Variants in KCNV2 observed in about 807,000 individuals in gnomAD.
KCNV2 encodes potassium voltage-gated channel modifier subfamily V member 2, also known as potassium voltage-gated channel subfamily V member 2.
A neutral mutation model predicts 37.0 loss-of-function variants in KCNV2; 65 were observed. The observed-to-expected ratio is 1.76, with a 90% CI of 1.44 to 2.16. KCNV2 has a LOEUF of 2.16. KCNV2 is among the 30% of genes most tolerant of loss of function. The pLI is 0.00. For missense variants in KCNV2, 1,232 were observed against 766.7 expected (o/e 1.61, Z -7.17); for synonymous variants, 518 against 328.6 (o/e 1.58, Z -6.23).
At chr9:2,727,994 G>A (rs554782072) in intron 1 of KCNV2, among the ~76,000 whole-genome samples, 5 of 152,236 alleles carry the variant, frequency 3.3e-5, no homozygotes, top group Admixed American at 3.3e-4. Flanking sequence ...TCTCACAAGA[G>A]ACAGGGCAGT....
chr9:2,723,018 G>C (rs1819907623), intron 1 of KCNV2, among the ~76,000 whole-genome samples: 1 of 152,114 alleles, frequency 6.6e-6, no homozygotes, highest in South Asian at 2.1e-4. Context: ...CAAAGGGCAG[G>C]GCAGGTTAGC....
intron 1 of KCNV2, among the ~76,000 whole-genome samples, chr9:2,725,651 T>C (rs928319436): frequency 2.6e-5 from 4 of 152,144 alleles, no homozygotes; most frequent in Admixed American, 1.3e-4. Context: ...ATAATAATTT[T>C]ATCCAAAAAA....
intron 1 of KCNV2, among the ~76,000 whole-genome samples, chr9:2,727,661 CCTCTT>C (rs1819990778): frequency 6.6e-6 from 1 of 151,984 alleles, no homozygotes; most frequent in African/African-American, 2.4e-5. Flanking sequence ...TTGGTCTTTG[CCTCTT>C]CTCAGTGGAG....
At position 2,721,587 on chromosome 9, in the gene KCNV2, A is replaced by T. The variant is rs527473169; in HGVS notation, c.1356+2492A>T. 3.3e-5 allele frequency among the ~76,000 whole-genome samples: 5 copies of T among 152,334 alleles called. No individual in the cohort carries two copies. In the South Asian group the frequency reaches 1.0e-3, roughly 32 times the overall value. On this transcript the variant is annotated intron_variant, in intron 1 of 1. Transcript: ENST00000382082. Reference sequence around the variant, plus strand: ...CCACAAAAATTCACCTTATTCATTCATTGAACAGTAAGTTTTTGAGCACCT... The same window carrying T: ...CCACAAAAATTCACCTTATTCATTCTTTGAACAGTAAGTTTTTGAGCACCT...
At chr9:2,722,213 ATT>A (rs1226525755) in intron 1 of KCNV2, among the ~76,000 whole-genome samples, 7 of 144,540 alleles carry the variant, frequency 4.8e-5, no homozygotes, top group Non-Finnish European at 7.6e-5. Context: ...TTATAAATAA[ATT>A]AGAAGTTATT....
rs986350598 is a variant in KCNV2, at chr9:2,718,728, T to TCG, written c.995_996dup (p.Ser333AlafsTer122). 5.0e-6 allele frequency: 8 copies of TCG among 1,612,606 alleles called. No homozygotes were observed. The highest frequency in any genetic ancestry group is 1.1e-5 in the South Asian group (1 of 91,070). ...GCCTCCACGCCCGACCTGAGGCGCT[T>TCG]CGCGCGCAGCGCCCTCAACCTGGTG... is the stretch of plus-strand genomic sequence containing the variant. On this transcript the variant is annotated frameshift_variant, in exon 1 of 2. Coordinates refer to ENST00000382082, the MANE Select transcript of KCNV2 (RefSeq NM_133497.4). LOFTEE classifies it high-confidence loss of function.
At position 2,717,544 on chromosome 9, in the gene KCNV2, C is replaced by A; in HGVS notation, c.-196C>A. The A allele has an allele frequency of 1.6e-6, 1 of 631,786 alleles. No homozygotes were observed. The highest frequency in any genetic ancestry group is 1.9e-5 in the South Asian group (1 of 52,778). The allele number at this position is 631,786 out of a possible 1,614,324, so 39.1% of individuals were successfully genotyped here. On this transcript the variant is annotated 5_prime_UTR_variant, in exon 1 of 2. Coordinates refer to ENST00000382082, the MANE Select transcript of KCNV2 (RefSeq NM_133497.4). ...AACAGCTGACTGCGTTCAGACCCTGCAGGCTGGGCTGGCCTGCCCAGGACC... is the reference window on the plus strand; with the variant it reads ...AACAGCTGACTGCGTTCAGACCCTGAAGGCTGGGCTGGCCTGCCCAGGACC...
In KCNV2 at chr9:2,722,554, TAAATAAA is replaced by T. The variant is rs1461817831; in HGVS notation, c.1356+3460_1356+3466del. The stretch of plus-strand genomic sequence containing the variant: ...TTATAAATAAATTAGAAGTTATTTA[TAAATAAA>T]TTAGAAGTTATTTATTTATAAATTA... On this transcript the variant is annotated intron_variant, in intron 1 of 1. Transcript: ENST00000382082. 3.4e-5 allele frequency among the ~76,000 whole-genome samples: 5 copies of T among 145,336 alleles called. 1 individual carries two copies. Among genetic ancestry groups the T allele is most frequent in the African/African-American group, 1.3e-4 (5 of 38,444 alleles).
chr9:2,719,249 A>G (rs142481288), intron 1 of KCNV2, among the ~76,000 whole-genome samples, 154 bp downstream of exon 1: 1 of 152,230 alleles, frequency 6.6e-6, no homozygotes, highest in East Asian at 1.9e-4. Context: ...ACGGCGATGG[A>G]TGTCAAAAGT....
At position 2,729,706 on chromosome 9, in the gene KCNV2, C is replaced by T; in HGVS notation, c.1617C>T (p.Leu539=). 1 of 1,614,064 alleles carries T rather than the reference C, an allele frequency of 6.2e-7. No homozygotes were observed. The highest frequency in any genetic ancestry group is 8.5e-7 in the Non-Finnish European group (1 of 1,179,986). Residue 539 remains leucine, a synonymous_variant, in exon 2 of 2, where the codon CTC becomes CTT. Transcript: ENST00000382082. ...AECLLGSNPQ[L]TPRQEN ...GTTTGCTTGGAAGCAACCCACAGCTCACCCCAAGACAAGAGAATTAGTATT... is the reference window on the plus strand; with the variant it reads ...GTTTGCTTGGAAGCAACCCACAGCTTACCCCAAGACAAGAGAATTAGTATT...
rs753603983 is a variant in KCNV2, at chr9:2,729,757, C to G, written c.*30C>G. 21 of 1,607,904 alleles carry G rather than the reference C, an allele frequency of 1.3e-5. No individual in the cohort carries two copies. Among genetic ancestry groups the G allele is most frequent in the Middle Eastern group, 3.3e-4 (2 of 6,070 alleles). On this transcript the variant is annotated 3_prime_UTR_variant, in exon 2 of 2. Coordinates refer to ENST00000382082, the MANE Select transcript of KCNV2 (RefSeq NM_133497.4). ...TTATAGGACATGTGGCTGGTAGATT[C>G]CATGAACTTCAAGGCTTCATTGCTC...
chr9:2,719,224 C>T, intron 1 of KCNV2, 129 bp downstream of exon 1: 1 of 1,011,458 alleles, frequency 9.9e-7, no homozygotes, highest in Non-Finnish European at 1.5e-6. Context: ...CCAATCGCCG[C>T]ATACAGCTAA....
In KCNV2 at chr9:2,718,619, G is replaced by C. The variant is rs1490064746; in HGVS notation, c.880G>C (p.Gly294Arg). Residue 294 changes from glycine to arginine, a missense_variant, in exon 1 of 2, where the codon GGC becomes CGC. Physicochemically the swap from Gly to Arg is moderately radical, Grantham distance 125. Coordinates refer to ENST00000382082, the MANE Select transcript of KCNV2 (RefSeq NM_133497.4). ...EMQQHSGQGE[G>R]GPDLRPILEH... is the part of the protein sequence containing the mutation. ...GCAGCAGCACTCGGGGCAGGGCGAGGGCGGCCCAGACCTGCGGCCCATCCT... is the reference window on the plus strand; with the variant it reads ...GCAGCAGCACTCGGGGCAGGGCGAGCGCGGCCCAGACCTGCGGCCCATCCT... 3.7e-6 allele frequency: 6 copies of C among 1,612,986 alleles called. No individual in the cohort carries two copies. The highest frequency in any genetic ancestry group is 2.7e-5 in the African/African-American group (2 of 74,932).
chr9:2,719,232 T>C, intron 1 of KCNV2, 137 bp downstream of exon 1: 2 of 920,344 alleles, frequency 2.2e-6, no homozygotes, highest in Admixed American at 2.1e-5. Flanking sequence ...CGCATACAGC[T>C]AACAAAACGG....
At chr9:2,729,385 C>A (rs1193648041) in intron 1 of KCNV2, 61 bp from the exon 2 acceptor site, 1 of 1,591,666 alleles carries the variant, frequency 6.3e-7, no homozygotes, top group Non-Finnish European at 8.6e-7. Context: ...TGCTCCTCTC[C>A]CTTTCTTCTC....
At chr9:2,727,309 G>A (rs905000564) in intron 1 of KCNV2, among the ~76,000 whole-genome samples, 2 of 151,818 alleles carry the variant, frequency 1.3e-5, no homozygotes, top group African/African-American at 4.8e-5. Flanking sequence ...GGGAGGGGTA[G>A]CATTTGGAGA....
chr9:2,721,933 G>C (rs933001563), intron 1 of KCNV2, among the ~76,000 whole-genome samples: 3 of 151,828 alleles, frequency 2.0e-5, no homozygotes, highest in Non-Finnish European at 4.4e-5. Flanking sequence ...AAAAGTAACT[G>C]ATCTAGTGGT....
At chr9:2,723,685 T>G (rs1352975127) in intron 1 of KCNV2, among the ~76,000 whole-genome samples, 2 of 152,256 alleles carry the variant, frequency 1.3e-5, no homozygotes, top group Non-Finnish European at 2.9e-5. Flanking sequence ...CCTTTGCTTC[T>G]ACATTCATTT....
intron 1 of KCNV2, among the ~76,000 whole-genome samples, chr9:2,722,283 A>G (rs1819888364): frequency 7.5e-6 from 1 of 132,672 alleles, no homozygotes; most frequent in African/African-American, 3.0e-5. Flanking sequence ...TTATTTACAA[A>G]TTAGAAGTTA....
Sources: allele counts gnomAD v4.1 joint callset (sites outside exome capture counted in the v4.1 genomes callset), GRCh38; gene constraint gnomAD v4.1.1; transcripts MANE v1.5; gene names NCBI Gene and HGNC (gene_info 2026-07-23, HGNC 2026-07-21).